The following FAM229B variants were observed in gnomAD, a reference collection of about 807,000 sequenced individuals.
FAM229B encodes the protein family with sequence similarity 229 member B, also known as protein FAM229B.
Under a neutral mutation model 6.7 loss-of-function variants are expected in FAM229B, and 2 were observed. The observed-to-expected ratio is 0.30, with a 90% confidence interval of 0.12 to 0.94. The LOEUF (loss-of-function observed/expected upper bound fraction) is 0.94, where lower values mean the gene tolerates loss of function less well. FAM229B is among the 40% of genes least tolerant of loss of function. The probability of loss-of-function intolerance (pLI) is 0.54; values close to 1 mark genes in which losing one functional copy is unlikely to be tolerated. For synonymous variants in FAM229B, 29 were observed against 34.0 expected, an observed-to-expected ratio of 0.85 and a Z score of 0.51; for missense variants, 93 against 96.2, an observed-to-expected ratio of 0.97 and a Z score of 0.14.
At chr6:112,089,261 C>A (rs1777224879) in intron 1 of FAM229B, among the ~76,000 whole-genome samples, 1 of 151,358 alleles carries the variant, frequency 6.6e-6, no homozygotes, top group Admixed American at 6.6e-5. Flanking sequence ...CTATGGACTC[C>A]TAAAATTGAA....
intron 2 of FAM229B, among the ~76,000 whole-genome samples, chr6:112,098,113 C>A (rs1367351531): frequency 1.3e-5 from 2 of 152,154 alleles, no homozygotes; most frequent in Non-Finnish European, 2.9e-5. Context: ...CTGATCCCAG[C>A]TGTGAATAGT....
intron 1 of FAM229B, among the ~76,000 whole-genome samples, chr6:112,094,388 T>TG (rs753899881): frequency 1.2e-4 from 18 of 152,204 alleles, no homozygotes; most frequent in Non-Finnish European, 2.4e-4. Flanking sequence ...AGACTCCATT[T>TG]ATTTTCTGTT....
chr6:112,088,933 A>G (rs1451110471), intron 1 of FAM229B, among the ~76,000 whole-genome samples: 1 of 152,174 alleles, frequency 6.6e-6, no homozygotes, highest in Non-Finnish European at 1.5e-5. Flanking sequence ...AAAAGTCCTA[A>G]CACATCTTAT....
chr6:112,099,654 A>T (rs891348776), intron 3 of FAM229B, among the ~76,000 whole-genome samples: 10 of 152,200 alleles, frequency 6.6e-5, no homozygotes, highest in African/African-American at 2.4e-4. Flanking sequence ...TATTAACAAC[A>T]ACAACAAAAA....
chr6:112,089,628 C>T (rs1777231495), intron 1 of FAM229B, among the ~76,000 whole-genome samples: 1 of 151,964 alleles, frequency 6.6e-6, no homozygotes, highest in South Asian at 2.1e-4. Context: ...TAACTGAAGA[C>T]AACAACATCC....
rs782771132 is a variant in FAM229B at position 112,100,866 on chromosome 6, A to G, written c.*79A>G. ...TCATCTGGTGATCTGGTAAACAAAT[A>G]AAAGTGGTGGCACCTTTAGATGATG... is the stretch of plus-strand genomic sequence containing the variant. On this transcript the variant is annotated 3_prime_UTR_variant, in exon 4 of 4. Transcript: ENST00000368656. The G allele has an allele frequency of 8.0e-5, 85 of 1,064,678 alleles. No individual in the cohort carries two copies. Among genetic ancestry groups the G allele is most frequent in the Non-Finnish European group, 1.2e-4 (83 of 695,518 alleles). The allele number at this position is 1,064,678 out of a possible 1,614,324, so 66.0% of individuals were successfully genotyped here. A position where few individuals can be genotyped will look rare whatever the true frequency, so the allele number is the denominator to read the frequency against.
chr6:112,099,500 T>A, intron 3 of FAM229B, 92 bp downstream of exon 3: 2 of 1,257,922 alleles, frequency 1.6e-6, no homozygotes, highest in Non-Finnish European at 2.2e-6. Flanking sequence ...AAGAAAAAAC[T>A]CTCAGCAATT....
intron 1 of FAM229B, among the ~76,000 whole-genome samples, chr6:112,096,036 T>G (rs1777320539): frequency 6.6e-6 from 1 of 152,244 alleles, no homozygotes; most frequent in South Asian, 2.1e-4. Context: ...CTCACTAACA[T>G]TTAATAGTTT....
intron 1 of FAM229B, among the ~76,000 whole-genome samples, chr6:112,091,091 T>C (rs1777251696): frequency 6.6e-6 from 1 of 152,138 alleles, no homozygotes; most frequent in African/African-American, 2.4e-5. Context: ...AGATTCCACA[T>C]CTAAGTGGAG....
At chr6:112,099,664 A>C (rs1370380425) in intron 3 of FAM229B, among the ~76,000 whole-genome samples, 1 of 152,206 alleles carries the variant, frequency 6.6e-6, no homozygotes, top group African/African-American at 2.4e-5. Flanking sequence ...AACAACAAAA[A>C]CACAATTACC....
intron 1 of FAM229B, among the ~76,000 whole-genome samples, chr6:112,092,196 A>G (rs1367901940): frequency 6.6e-6 from 1 of 152,154 alleles, no homozygotes; most frequent in Non-Finnish European, 1.5e-5. Flanking sequence ...ATGCACCCAC[A>G]GATCCAAGAA....
In FAM229B at chr6:112,100,896, C is replaced by T. The variant is rs587773083; in HGVS notation, c.*109C>T. 5 of 781,268 alleles carry T rather than the reference C, an allele frequency of 6.4e-6. No homozygotes were observed. The South Asian group carries it at 6.5e-5, about 10-fold the overall frequency. The allele number at this position is 781,268 out of a possible 1,614,324, so 48.4% of individuals were successfully genotyped here. A position where few individuals can be genotyped will look rare whatever the true frequency, so the allele number is the denominator to read the frequency against. On this transcript the variant is annotated 3_prime_UTR_variant, in exon 4 of 4. Transcript: ENST00000368656. ...TGGTGGCACCTTTAGATGATGACAA[C>T]AGTTGAGCTCTTTACTTTTAGTAAG...
chr6:112,093,852 A>G (rs1777288390), intron 1 of FAM229B, among the ~76,000 whole-genome samples: 1 of 152,146 alleles, frequency 6.6e-6, no homozygotes, highest in Non-Finnish European at 1.5e-5. Flanking sequence ...ATTTAAAAGG[A>G]TTCAAGTGAT....
At chr6:112,089,073 C>T (rs1777221551) in intron 1 of FAM229B, among the ~76,000 whole-genome samples, 2 of 152,130 alleles carry the variant, frequency 1.3e-5, no homozygotes, top group South Asian at 2.1e-4. Context: ...AAGTTGAGAT[C>T]GGTTGAACCG....
intron 1 of FAM229B, among the ~76,000 whole-genome samples, chr6:112,094,324 A>G (rs1286823335): frequency 6.6e-6 from 1 of 152,234 alleles, no homozygotes; most frequent in Non-Finnish European, 1.5e-5. Context: ...GATAAAGTCT[A>G]AAATTTTAAC....
chr6:112,098,492 G>A (rs1777355043), intron 2 of FAM229B, among the ~76,000 whole-genome samples: 1 of 152,166 alleles, frequency 6.6e-6, no homozygotes, highest in Admixed American at 6.5e-5. Context: ...CACTTTACGT[G>A]TATTACCTTA....
chr6:112,100,732 A>AC lies in FAM229B; in HGVS notation c.188_189insC (p.Ala64CysfsTer17). The AC allele has an allele frequency of 6.2e-7, 1 of 1,614,078 alleles. No individual in the cohort carries two copies. The highest frequency in any genetic ancestry group is 8.5e-7 in the Non-Finnish European group (1 of 1,179,954). The stretch of plus-strand genomic sequence containing the variant: ...ATAACTGATGTTCCCGTCACTGTTT[A>AC]TGCAACAACGAGAAAGCCACCTGCA... On this transcript the variant is annotated frameshift_variant, in exon 4 of 4. Transcript: ENST00000368656. LOFTEE classifies it high-confidence loss of function.
intron 1 of FAM229B, among the ~76,000 whole-genome samples, chr6:112,091,450 T>C (rs1777256069): frequency 6.6e-6 from 1 of 152,076 alleles, no homozygotes; most frequent in East Asian, 1.9e-4. Flanking sequence ...GTATCTTGAG[T>C]GGAGAAACCT....
chr6:112,100,020 A>G lies in FAM229B; in HGVS notation c.125+612A>G, dbSNP rs1051181900. Among the ~76,000 whole-genome samples, 3 of 152,226 alleles carry G rather than the reference A, an allele frequency of 2.0e-5. No individual in the cohort carries two copies. In the East Asian group the frequency reaches 5.8e-4, roughly 29 times the overall value. The stretch of plus-strand genomic sequence containing the variant: ...TGGCTTGGAAATTTTGGGAACACAG[A>G]TTTAAGTTTAACAGGTGTAGGTATT... On this transcript the variant is annotated intron_variant, in intron 3 of 3. Transcript: ENST00000368656.
Sources: gnomAD v4.1 joint callset for allele counts (sites outside exome capture counted in the v4.1 genomes callset) on GRCh38, gnomAD v4.1.1 for gene constraint, MANE v1.5 for transcripts, NCBI Gene and HGNC (gene_info 2026-07-23, HGNC 2026-07-21) for gene names.